LIPC: variants seen among roughly 807,000 people sequenced by gnomAD.
LIPC encodes lipase C, hepatic type.
In LIPC, 44 loss-of-function variants were observed where a neutral mutation model predicts 50.7. That is an observed-to-expected ratio of 0.87 (90% CI 0.68 to 1.11). The LOEUF (loss-of-function observed/expected upper bound fraction) is 1.11. Ranked by LOEUF, LIPC falls within the 50% of genes most tolerant of loss-of-function variation. The pLI is 0.00. For missense variants in LIPC, 697 were observed against 648.2 expected, an observed-to-expected ratio of 1.08 and a Z score of -0.82; for synonymous variants, 271 against 256.4, an observed-to-expected ratio of 1.06 and a Z score of -0.54.
chr15:58,542,736 T>A, intron 4 of LIPC, 85 bp downstream of exon 4: 1 of 858,752 alleles, frequency 1.2e-6, no homozygotes, highest in Non-Finnish European at 2.0e-6. Flanking sequence ...GGCTCATCAT[T>A]AAAACACCCC....
At chr15:58,488,436 G>A (rs766094018) in intron 1 of LIPC, among the ~76,000 whole-genome samples, 1 of 152,214 alleles carries the variant, frequency 6.6e-6, no homozygotes, top group Non-Finnish European at 1.5e-5. Flanking sequence ...TAGGCACTAG[G>A]CACTGTGCTA....
chr15:58,500,123 T>G lies in LIPC; in HGVS notation c.89-38210T>G, dbSNP rs146425449. Among the ~76,000 whole-genome samples, 366 of 152,094 alleles carry G rather than the reference T, an allele frequency of 2.4e-3. 4 individuals carry two copies. The highest frequency in any genetic ancestry group is 8.6e-3 in the Admixed American group (132 of 15,286). The stretch of plus-strand genomic sequence containing the variant: ...GATCCCCACATCCCTCAACAGTCCC[T>G]CAGATGGTGAGGTTTAGGACACAGT... On this transcript the variant is annotated intron_variant, in intron 1 of 8. Transcript: ENST00000299022.
chr15:58,483,274 G>A lies in LIPC; in HGVS notation c.88+51154G>A, dbSNP rs547700040. 3.9e-5 allele frequency among the ~76,000 whole-genome samples: 6 copies of A among 152,236 alleles called. No individual in the cohort carries two copies. In the South Asian group the frequency reaches 1.0e-3, roughly 26 times the overall value. ...AACACCAGGTTACTAAAGTCACAGGGATTAAGAAATGACCCTTGGTAACAA... is the reference window on the plus strand; with the variant it reads ...AACACCAGGTTACTAAAGTCACAGGAATTAAGAAATGACCCTTGGTAACAA... On this transcript the variant is annotated intron_variant, in intron 1 of 8. Transcript: ENST00000299022.
chr15:58,466,521 G>A (rs752839116), intron 1 of LIPC, among the ~76,000 whole-genome samples: 8 of 152,276 alleles, frequency 5.3e-5, no homozygotes, highest in East Asian at 1.9e-4. Flanking sequence ...TTTATTCTAA[G>A]GATGTATGGT....
chr15:58,441,830 T>C (rs2140644830), intron 1 of LIPC, among the ~76,000 whole-genome samples: 1 of 152,290 alleles, frequency 6.6e-6, no homozygotes, highest in East Asian at 1.9e-4. Flanking sequence ...CACAAGTCAT[T>C]CCTGTTAGTC....
At chr15:58,518,255 G>C (rs1164321582) in intron 1 of LIPC, among the ~76,000 whole-genome samples, 1 of 152,200 alleles carries the variant, frequency 6.6e-6, no homozygotes, top group Admixed American at 6.5e-5. Context: ...GCCCCAAGGT[G>C]GGGGAAGGTA....
intron 8 of LIPC, among the ~76,000 whole-genome samples, chr15:58,566,912 G>A (rs1194455236): frequency 6.6e-6 from 1 of 152,182 alleles, no homozygotes; most frequent in Admixed American, 6.5e-5. Flanking sequence ...CACTATTAGT[G>A]AGAGTGTAAA....
chr15:58,563,722 AGGTG>A lies in LIPC; in HGVS notation c.1388_1388+3del. ...AGTCAAAGCAGGAGAAACCCAGCAA[AGGTG>A]ACTGCTGATTCAATCTCCTATTAAC... On this transcript the variant is annotated splice_donor_variant and splice_donor_region_variant and coding_sequence_variant and intron_variant, in exon 8 of 9. Coordinates refer to ENST00000299022, the MANE Select transcript of LIPC (RefSeq NM_000236.3). LOFTEE classifies it high-confidence loss of function. 6.2e-7 allele frequency: 1 copy of A among 1,612,152 alleles called. No individual in the cohort carries two copies. Among genetic ancestry groups the A allele is most frequent in the Admixed American group, 1.7e-5 (1 of 59,978 alleles).
rs116168865 is a variant in LIPC, at chr15:58,476,230, G to C, written c.88+44110G>C. On this transcript the variant is annotated intron_variant, in intron 1 of 8. Transcript: ENST00000299022. ...CTGCTCTGGCACCCAGGTTCTCAGA[G>C]TCTCTGGTACAGCAGGGTGCCAAAG... Among the ~76,000 whole-genome samples, 1,176 of 152,392 alleles carry C rather than the reference G, an allele frequency of 7.7e-3. 13 individuals carry two copies. The highest frequency in any genetic ancestry group is 0.026 in the African/African-American group (1,075 of 41,592).
intron 1 of LIPC, among the ~76,000 whole-genome samples, chr15:58,515,279 A>G (rs1339158900): frequency 1.3e-5 from 2 of 152,132 alleles, no homozygotes; most frequent in African/African-American, 4.8e-5. Flanking sequence ...GATGTGGACA[A>G]ATTTGGAGGT....
chr15:58,533,775 A>G (rs1893026642), intron 1 of LIPC, among the ~76,000 whole-genome samples: 1 of 152,218 alleles, frequency 6.6e-6, no homozygotes, highest in Non-Finnish European at 1.5e-5. Context: ...ATATACTCCA[A>G]ATGTTATTTG....
intron 1 of LIPC, among the ~76,000 whole-genome samples, chr15:58,503,361 G>C (rs983297654): frequency 8.5e-5 from 13 of 152,170 alleles, no homozygotes; most frequent in Admixed American, 3.3e-4. Flanking sequence ...GGAGGGGGCA[G>C]AGTCCAAGGT....
chr15:58,523,805 T>C (rs80246805), intron 1 of LIPC, among the ~76,000 whole-genome samples: 22,102 of 151,974 alleles, frequency 0.15, 1,845 homozygotes, highest in Non-Finnish European at 0.2. Context: ...GCTGGTGGCA[T>C]GTGCCTGCGA....
At chr15:58,543,295 T>C (rs1893402448) in intron 4 of LIPC, among the ~76,000 whole-genome samples, 1 of 151,614 alleles carries the variant, frequency 6.6e-6, no homozygotes, top group African/African-American at 2.4e-5. Flanking sequence ...CCAGTCCAAG[T>C]CTGAGGCCCA....
chr15:58,485,637 T>C (rs940429142), intron 1 of LIPC, among the ~76,000 whole-genome samples: 8 of 152,340 alleles, frequency 5.3e-5, no homozygotes, highest in African/African-American at 1.2e-4. Context: ...AGGCACTTAT[T>C]TGGATCTCAC....
chr15:58,519,967 C>T (rs1010321569), intron 1 of LIPC, among the ~76,000 whole-genome samples: 5 of 151,814 alleles, frequency 3.3e-5, no homozygotes, highest in Admixed American at 6.6e-5. Context: ...TGAAACTGGC[C>T]GAGTCAGAAG....
intron 1 of LIPC, among the ~76,000 whole-genome samples, chr15:58,433,796 AAGTGGCC>A (rs1165596077): frequency 2.0e-5 from 3 of 152,202 alleles, no homozygotes; most frequent in African/African-American, 4.8e-5. Flanking sequence ...ATGCTGAGAG[AAGTGGCC>A]ACTATTAGCA....
chr15:58,496,594 A>G (rs1450336004), intron 1 of LIPC, among the ~76,000 whole-genome samples: 16 of 152,186 alleles, frequency 1.1e-4, no homozygotes, highest in African/African-American at 3.9e-4. Context: ...ATAAAACAGA[A>G]GATGTCTGAC....
chr15:58,552,724 C>T (rs1280041639), intron 6 of LIPC, among the ~76,000 whole-genome samples: 2 of 152,202 alleles, frequency 1.3e-5, no homozygotes, highest in African/African-American at 4.8e-5. Flanking sequence ...TGGAAGGTTT[C>T]CACTGACTTC....
Sources: gnomAD v4.1 joint callset for allele counts (sites outside exome capture counted in the v4.1 genomes callset) on GRCh38, gnomAD v4.1.1 for gene constraint, MANE v1.5 for transcripts, NCBI Gene and HGNC (gene_info 2026-07-23, HGNC 2026-07-21) for gene names.